Variants in ANKLE2 observed in about 807,000 individuals in gnomAD.
ANKLE2 encodes ankyrin repeat and LEM domain containing 2.
In ANKLE2, 55 loss-of-function variants were observed where a neutral mutation model predicts 84.2. The ratio of observed to expected loss-of-function variants is 0.65; its 90% CI spans 0.53 to 0.82. The LOEUF (loss-of-function observed/expected upper bound fraction) is 0.82. Among genes scored for constraint, ANKLE2 ranks in the 40% least tolerant of loss-of-function variants. The pLI, the probability that ANKLE2 is intolerant of heterozygous loss-of-function variation, is 0.00. For missense variants in ANKLE2, 1,238 were observed against 1,201.9 expected (o/e 1.03, Z -0.44); for synonymous variants, 551 against 486.1 (o/e 1.13, Z -1.76).
In ANKLE2 at chr12:132,747,908, G is replaced by A. The variant is rs750889692; in HGVS notation, c.1154C>T (p.Pro385Leu). 4 of 1,608,526 alleles carry A rather than the reference G, an allele frequency of 2.5e-6. No homozygotes were observed. Among genetic ancestry groups the A allele is most frequent in the South Asian group, 1.1e-5 (1 of 90,224 alleles). ...CTGCAGCATGGCCTCGTCGTCATCA[G>A]GGTACATCAGCCTCATGAAGTCAGG... ...ENPDFMRLMY[P>L]DDDEAMLQKR... Residue 385 changes from proline to leucine, a missense_variant, in exon 5 of 13, where the codon CCT becomes CTT. Around this residue, in one of 3 missense-constraint regions of ANKLE2, gnomAD observed 802 missense variants for 774.5 expected, o/e 1.04. Coordinates refer to ENST00000357997, the MANE Select transcript of ANKLE2 (RefSeq NM_015114.3).
chr12:132,751,706 C>T (rs937480018), intron 2 of ANKLE2, among the ~76,000 whole-genome samples: 5 of 147,056 alleles, frequency 3.4e-5, no homozygotes, highest in Admixed American at 6.8e-5. Flanking sequence ...CCATGCCTGG[C>T]TAATTGTTGT....
In ANKLE2 at chr12:132,759,521, G is replaced by GATATGTGCTATATGA. The variant is rs1566042428; in HGVS notation, c.181+2096_181+2097insTCATATAGCACATAT. ...CTAAATCTCTGCTGACTATATATAT[G>GATATGTGCTATATGA]TATACTATATGTGCTATATGATATA... On this transcript the variant is annotated intron_variant, in intron 1 of 12. Transcript: ENST00000357997. 481 of 140,304 alleles carry GATATGTGCTATATGA rather than the reference G, an allele frequency of 3.4e-3. 30 individuals are homozygous for GATATGTGCTATATGA. The highest frequency in any genetic ancestry group is 0.015 in the African/African-American group (457 of 30,652). The allele number at this position is 140,304 out of a possible 1,614,324, so 8.7% of individuals were successfully genotyped here.
chr12:132,749,398 C>T (rs1340149235), intron 3 of ANKLE2, among the ~76,000 whole-genome samples: 3 of 152,216 alleles, frequency 2.0e-5, no homozygotes, highest in Admixed American at 2.0e-4. Flanking sequence ...TGAGATGATC[C>T]ACCCGCCTCA....
chr12:132,756,288 T>G (rs975548972), intron 1 of ANKLE2: 3 of 151,756 alleles, frequency 2.0e-5, no homozygotes, highest in Non-Finnish European at 4.4e-5. Flanking sequence ...GAGAATTGCT[T>G]GAACCCAGTA....
In ANKLE2 at chr12:132,754,728, G is replaced by A. The variant is rs754032001; in HGVS notation, c.587C>T (p.Pro196Leu). The change falls in exon 2 of 13, where the codon CCG becomes CTG. Residue 196 changes from proline to leucine, a missense_variant. Pro to Leu is a moderately conservative substitution (Grantham distance 98). This residue lies in a region of ANKLE2 where 422 missense variants were observed against 394.5 expected (regional missense o/e 1.07). Transcript: ENST00000357997. ...YRAGATASKE[P>L]PLYYGVCPVY... ...TGGACACACCCCATAGTACAGGGGC[G>A]GCTCCTTAGACGCAGTCGCTCCAGC... 13 of 1,613,946 alleles carry A rather than the reference G, an allele frequency of 8.1e-6. No homozygotes were observed. Among genetic ancestry groups the A allele is most frequent in the Admixed American group, 1.7e-5 (1 of 59,992 alleles).
chr12:132,760,079 A>C (rs1365037586), intron 1 of ANKLE2: 2 of 147,832 alleles, frequency 1.4e-5, no homozygotes, highest in Admixed American at 1.4e-4. Context: ...GCTTGCAGTG[A>C]GCCGAGATCG....
Position 132,743,029 on chromosome 12 carries a change from C to T in ANKLE2, c.1353+125G>A, listed in dbSNP as rs1593161544. On this transcript the variant is annotated intron_variant, in intron 6 of 12. Coordinates refer to ENST00000357997, the MANE Select transcript of ANKLE2 (RefSeq NM_015114.3). This position sits in a 1 kb window ranked among gnomAD's most constrained non-coding sequence, Gnocchi z 4.1. ...CAACAGCCAAGGTTCTAACATGTGC[C>T]CATAAAGCAAACACAACTCATACAG... The T allele has an allele frequency of 2.4e-6, 2 of 832,970 alleles. No homozygotes were observed. Among genetic ancestry groups the T allele is most frequent in the East Asian group, 3.0e-5 (1 of 33,104 alleles). 51.6% of individuals were successfully genotyped at this position (832,970 alleles called of 1,614,324 possible).
chr12:132,736,419 G>A (rs564730288), intron 8 of ANKLE2, among the ~76,000 whole-genome samples: 45 of 152,370 alleles, frequency 3.0e-4, no homozygotes, highest in African/African-American at 1.1e-3. Flanking sequence ...GAACACTGGG[G>A]ATGAGTAGAA....
In ANKLE2 at chr12:132,729,754, A is replaced by C; in HGVS notation, c.2408T>G (p.Leu803Trp). The change falls in exon 11 of 13, where the codon TTG (leucine) becomes TGG (tryptophan). Residue 803 changes from leucine (L) to tryptophan (W), a missense_variant. Coordinates refer to ENST00000357997, the MANE Select transcript of ANKLE2 (RefSeq NM_015114.3). ...EMSARIAKMS[L>W]SPSSPRHEDQ... ...CTCGTGCCTGGGGCTGCTGGGACTC[A>C]AGGACATTTTAGCGATCCTGGCTGA... The C allele has an allele frequency of 1.2e-6, 2 of 1,611,600 alleles. No homozygotes were observed. The highest frequency in any genetic ancestry group is 1.7e-6 in the Non-Finnish European group (2 of 1,179,466).
chr12:132,754,884 T>C lies in ANKLE2; in HGVS notation c.431A>G (p.Asn144Ser). The C allele has an allele frequency of 6.2e-7, 1 of 1,614,190 alleles. No homozygotes were observed. The highest frequency in any genetic ancestry group is 8.5e-7 in the Non-Finnish European group (1 of 1,180,028). The change falls in exon 2 of 13, where the codon AAC (asparagine) becomes AGC (serine). Residue 144 changes from asparagine to serine, a missense_variant. By Grantham distance (46) the Asn-to-Ser change is conservative (BLOSUM62 1). Around this residue, in one of 3 missense-constraint regions of ANKLE2, gnomAD observed 422 missense variants for 394.5 expected, o/e 1.07. Transcript: ENST00000357997. ...AGAAAAACCAGCCTGATCAGTTGGG[T>C]TCCCTTCAGCTGGCTTCAAAATCCT... ...PQRILKPAEG[N>S]PTDQAGFSED...
intron 2 of ANKLE2, among the ~76,000 whole-genome samples, chr12:132,752,430 C>T (rs1056697603): frequency 3.3e-5 from 5 of 152,200 alleles, no homozygotes; most frequent in South Asian, 2.1e-4. Context: ...GAGATGGAAT[C>T]TAGCTCTGTC....
chr12:132,741,039 T>C (rs1255383847), intron 7 of ANKLE2, among the ~76,000 whole-genome samples: 2 of 152,122 alleles, frequency 1.3e-5, no homozygotes, highest in African/African-American at 4.8e-5. Flanking sequence ...CTCTGGACCC[T>C]GCCTCTCCCT....
In ANKLE2 at chr12:132,754,716, T is replaced by C. The variant is rs750537499; in HGVS notation, c.599A>G (p.Tyr200Cys). ...ATASKEPPLY[Y>C]GVCPVYEDVP... ...GTCCTCATACACTGGACACACCCCATAGTACAGGGGCGGCTCCTTAGACGC... is the reference window on the plus strand; with the variant it reads ...GTCCTCATACACTGGACACACCCCACAGTACAGGGGCGGCTCCTTAGACGC... Residue 200 changes from tyrosine (Y) to cysteine (C), a missense_variant, in exon 2 of 13, where the codon TAT (tyrosine) becomes TGT (cysteine). Transcript: ENST00000357997. The C allele has an allele frequency of 4.3e-6, 7 of 1,613,930 alleles. No individual in the cohort carries two copies. The highest frequency in any genetic ancestry group is 1.3e-5 in the African/African-American group (1 of 75,040).
chr12:132,736,108 C>T (rs1824259337), intron 8 of ANKLE2, among the ~76,000 whole-genome samples: 1 of 152,170 alleles, frequency 6.6e-6, no homozygotes, highest in South Asian at 2.1e-4. Flanking sequence ...CCCACCACCA[C>T]GCCCGGCTAA....
In ANKLE2 at chr12:132,726,949, T is replaced by C. The variant is rs893579887; in HGVS notation, c.*293A>G. On this transcript the variant is annotated 3_prime_UTR_variant, in exon 13 of 13. Coordinates refer to ENST00000357997, the MANE Select transcript of ANKLE2 (RefSeq NM_015114.3). ...CTGCCTGCAACTGCCTCAGCGCCCT[T>C]TCCTCTGCTATATTTCAGACCTAGA... 26 of 411,564 alleles carry C rather than the reference T, an allele frequency of 6.3e-5. No individual in the cohort carries two copies. Among genetic ancestry groups the C allele is most frequent in the Middle Eastern group, 6.7e-4 (1 of 1,502 alleles). 25.5% of individuals were successfully genotyped at this position (411,564 alleles called of 1,614,324 possible).
At chr12:132,759,750 C>A (rs1157154334) in intron 1 of ANKLE2, 1 of 152,170 alleles carries the variant, frequency 6.6e-6, no homozygotes, top group Admixed American at 6.6e-5. Context: ...CCAAGTGCTG[C>A]ACTTACCCAA....
chr12:132,758,372 CAG>C (rs910259277), intron 1 of ANKLE2: 1 of 151,836 alleles, frequency 6.6e-6, no homozygotes, highest in African/African-American at 2.4e-5. Context: ...GCCTGGACAA[CAG>C]AGTGAGACTC....
chr12:132,742,131 T>C (rs1593159654), intron 6 of ANKLE2: 2 of 260,602 alleles, frequency 7.7e-6, no homozygotes, highest in East Asian at 2.2e-4. Flanking sequence ...CTTTTTAAAA[T>C]GCCAGGAGTT....
intron 10 of ANKLE2, among the ~76,000 whole-genome samples, chr12:132,733,463 A>C (rs879111451): frequency 1.5e-5 from 1 of 68,136 alleles, no homozygotes; most frequent in Non-Finnish European, 2.8e-5. Context: ...TGTCTGATAT[A>C]CCCCGTGTGA....
Sources: allele counts gnomAD v4.1 joint callset (sites outside exome capture counted in the v4.1 genomes callset), GRCh38; gene constraint gnomAD v4.1.1; regional missense constraint gnomAD v4.1.1; non-coding constraint Gnocchi (gnomAD v3.1); transcripts MANE v1.5; gene names NCBI Gene and HGNC (gene_info 2026-07-23, HGNC 2026-07-21).